ITK: variants seen among roughly 807,000 people sequenced by gnomAD.
The protein encoded by ITK is tyrosine-protein kinase ITK/TSK.
A neutral mutation model predicts 87.6 loss-of-function variants in ITK; 45 were observed. The observed-to-expected ratio is 0.51, with a 90% CI of 0.40 to 0.66. The LOEUF (loss-of-function observed/expected upper bound fraction) is 0.66, where lower values mean the gene tolerates loss of function less well. ITK is among the 30% of genes least tolerant of loss of function. ITK has a pLI of 0.00. For synonymous variants in ITK, 303 were observed against 273.6 expected, an observed-to-expected ratio of 1.11 and a Z score of -1.06; for missense variants, 605 against 766.3, an observed-to-expected ratio of 0.79 and a Z score of 2.48.
At chr5:157,215,323 G>A (rs1754277441) in intron 4 of ITK, among the ~76,000 whole-genome samples, 1 of 152,022 alleles carries the variant, frequency 6.6e-6, no homozygotes, top group Admixed American at 6.6e-5. Context: ...CTGAAAATTG[G>A]CAACCCAAGG....
intron 9 of ITK, among the ~76,000 whole-genome samples, 179 bp from the exon 10 acceptor site, chr5:157,239,883 T>G (rs1754853454): frequency 1.3e-5 from 2 of 152,100 alleles, no homozygotes; most frequent in South Asian, 4.1e-4. Context: ...GAGTCCTTTT[T>G]AACACAGTAC....
At chr5:157,238,460 G>A (rs557184340) in intron 9 of ITK, among the ~76,000 whole-genome samples, 1 of 152,230 alleles carries the variant, frequency 6.6e-6, no homozygotes, top group East Asian at 1.9e-4. Flanking sequence ...AAAATACTTG[G>A]CACTGTATTG....
chr5:157,251,872 C>A (rs551329969), intron 16 of ITK, among the ~76,000 whole-genome samples: 1 of 152,312 alleles, frequency 6.6e-6, no homozygotes, highest in East Asian at 1.9e-4. Flanking sequence ...TAGCACCATC[C>A]TCTCCCATTA....
intron 1 of ITK, among the ~76,000 whole-genome samples, chr5:157,207,377 C>CTT (rs536290068): frequency 0.11 from 6,646 of 58,900 alleles, 1,893 homozygotes; most frequent in East Asian, 0.49. Flanking sequence ...AGATACGTCT[C>CTT]TTTTTTTTTT....
intron 1 of ITK, among the ~76,000 whole-genome samples, chr5:157,200,775 C>T (rs1753954448): frequency 6.6e-6 from 1 of 152,146 alleles, no homozygotes; most frequent in South Asian, 2.1e-4. Context: ...AAGGCACAGG[C>T]ACAAAGGAGG....
intron 6 of ITK, among the ~76,000 whole-genome samples, chr5:157,224,693 A>C (rs1029544293): frequency 6.6e-6 from 1 of 152,168 alleles, no homozygotes; most frequent in African/African-American, 2.4e-5. Context: ...GGGCAGGAGA[A>C]TCGCTTGAAC....
intron 3 of ITK, chr5:157,213,536 C>G: frequency 2.3e-6 from 1 of 443,988 alleles, no homozygotes; most frequent in Non-Finnish European, 4.5e-6. Context: ...TGACACCATG[C>G]CCAGCTAACT....
chr5:157,242,580 A>T (rs1358777986), intron 11 of ITK, among the ~76,000 whole-genome samples: 1 of 152,046 alleles, frequency 6.6e-6, no homozygotes, highest in East Asian at 1.9e-4. Context: ...GGCTCAAGCG[A>T]TCCTCCCACC....
chr5:157,244,042 C>T, intron 12 of ITK: 1 of 669,448 alleles, frequency 1.5e-6, no homozygotes, highest in Admixed American at 2.1e-5. Context: ...ATGCCAGCCA[C>T]ACTGGCCTCT....
chr5:157,193,157 G>T (rs556375922), intron 1 of ITK, among the ~76,000 whole-genome samples: 1 of 152,164 alleles, frequency 6.6e-6, no homozygotes, highest in African/African-American at 2.4e-5. Flanking sequence ...GGAGTTTAAG[G>T]TTGCAGTGAG....
At chr5:157,200,462 G>A (rs1208078102) in intron 1 of ITK, among the ~76,000 whole-genome samples, 2 of 152,168 alleles carry the variant, frequency 1.3e-5, no homozygotes, top group African/African-American at 4.8e-5. Flanking sequence ...AGTTGTTTGG[G>A]ATGATTATAG....
chr5:157,238,998 G>C (rs1754832573), intron 9 of ITK, among the ~76,000 whole-genome samples: 1 of 152,206 alleles, frequency 6.6e-6, no homozygotes, highest in Non-Finnish European at 1.5e-5. Flanking sequence ...GCAAGGGCAG[G>C]TGGCAAAGAG....
chr5:157,181,944 C>G (rs1424754543), intron 1 of ITK, among the ~76,000 whole-genome samples: 1 of 152,232 alleles, frequency 6.6e-6, no homozygotes, highest in Non-Finnish European at 1.5e-5. Flanking sequence ...AGACCAAACT[C>G]TACTTCTCAG....
intron 5 of ITK, among the ~76,000 whole-genome samples, chr5:157,219,816 G>A (rs1349170313): frequency 6.6e-6 from 1 of 152,306 alleles, no homozygotes; most frequent in African/African-American, 2.4e-5. Flanking sequence ...CATCTTAAGT[G>A]AGGCTGCTCT....
rs767280421 is a variant in ITK, at chr5:157,252,661, G to T, written c.1846G>T (p.Ala616Ser). 10 of 1,613,602 alleles carry T rather than the reference G, an allele frequency of 6.2e-6. No homozygotes were observed. Among genetic ancestry groups the T allele is most frequent in the African/African-American group, 1.3e-5 (1 of 74,928 alleles). Reference protein sequence around the residue: ...SRLLRQLAEIAESGL With the variant: ...SRLLRQLAEISESGL ...ACTGCTGCGTCAACTGGCTGAAATTGCAGAATCAGGACTTTAGTAGAGACT... is the reference window on the plus strand; with the variant it reads ...ACTGCTGCGTCAACTGGCTGAAATTTCAGAATCAGGACTTTAGTAGAGACT... The change falls in exon 17 of 17, where the codon GCA becomes TCA. Residue 616 changes from alanine to serine, a missense_variant. Ala to Ser is a moderately conservative substitution (Grantham distance 99, BLOSUM62 1). Coordinates refer to ENST00000422843, the MANE Select transcript of ITK (RefSeq NM_005546.4).
intron 12 of ITK, 168 bp from the exon 13 acceptor site, chr5:157,244,094 G>T: frequency 1.4e-6 from 1 of 718,228 alleles, no homozygotes; most frequent in Non-Finnish European, 2.5e-6. Flanking sequence ...CCATTTTTCA[G>T]GTCTCAGCTC....
At chr5:157,238,614 C>T (rs925096520) in intron 9 of ITK, among the ~76,000 whole-genome samples, 1 of 152,160 alleles carries the variant, frequency 6.6e-6, no homozygotes, top group Non-Finnish European at 1.5e-5. Flanking sequence ...AATATGCAGA[C>T]CATTTCCAAT....
chr5:157,224,376 C>A (rs1454537842), intron 6 of ITK: 2 of 151,700 alleles, frequency 1.3e-5, no homozygotes, highest in African/African-American at 4.8e-5. Flanking sequence ...TTCACTTGTA[C>A]CAAGTGGATC....
intron 15 of ITK, among the ~76,000 whole-genome samples, chr5:157,247,287 G>A (rs1755039026): frequency 6.6e-6 from 1 of 152,188 alleles, no homozygotes; most frequent in South Asian, 2.1e-4. Context: ...ACCAACCCTT[G>A]CAGCTACTTT....
Sources: gnomAD v4.1 joint callset for allele counts (sites outside exome capture counted in the v4.1 genomes callset) on GRCh38, gnomAD v4.1.1 for gene constraint, MANE v1.5 for transcripts, NCBI Gene and HGNC (gene_info 2026-07-23, HGNC 2026-07-21) for gene names.